The following APTX variants were observed in gnomAD, a reference collection of about 807,000 sequenced individuals.
The protein encoded by APTX is aprataxin, also known as forkhead-associated domain histidine triad-like protein.
Under a neutral mutation model 42.3 loss-of-function variants are expected in APTX, and 33 were observed. The ratio of observed to expected loss-of-function variants is 0.78; its 90% CI spans 0.59 to 1.04. The LOEUF (loss-of-function observed/expected upper bound fraction) is 1.04, where lower values mean the gene tolerates loss of function less well. Ranked by LOEUF, APTX falls within the 50% of genes least tolerant of loss-of-function variation. APTX has a pLI of 0.00. For missense variants in APTX, 421 were observed against 415.1 expected (o/e 1.01, Z -0.12); for synonymous variants, 130 against 146.7 (o/e 0.89, Z 0.82).
chr9:32,973,813 G>A (rs1199332227), intron 7 of APTX, 161 bp from the exon 8 acceptor site: 1 of 889,892 alleles, frequency 1.1e-6, no homozygotes, highest in East Asian at 2.5e-5. Flanking sequence ...CAGGCAAAAT[G>A]AGCTTAATCA....
intron 6 of APTX, among the ~76,000 whole-genome samples, chr9:32,983,366 T>TTAAC (rs111227653): frequency 0.014 from 2,085 of 152,156 alleles, 44 homozygotes; most frequent in African/African-American, 0.045. Flanking sequence ...TGAGGGAGGA[T>TTAAC]TAACTGGAAA....
At chr9:32,990,619 G>A (rs1260299767) in intron 1 of APTX, among the ~76,000 whole-genome samples, 2 of 152,150 alleles carry the variant, frequency 1.3e-5, no homozygotes, top group Non-Finnish European at 2.9e-5. Flanking sequence ...ACAATATAAT[G>A]TGATAAACAC....
chr9:33,015,345 T>C (rs1446543723), intron 1 of APTX, among the ~76,000 whole-genome samples: 4 of 152,248 alleles, frequency 2.6e-5, no homozygotes, highest in Middle Eastern at 3.4e-3. Context: ...ATAAGGGTCA[T>C]TGCCTGAGTT....
intron 1 of APTX, chr9:33,024,772 G>A (rs1360429598): frequency 6.6e-6 from 1 of 150,674 alleles, no homozygotes; most frequent in Non-Finnish European, 1.5e-5. Context: ...AAGACCCAAG[G>A]CCTATGCTAT....
chr9:32,973,206 A>AAC lies in APTX; in HGVS notation c.*290_*291dup, dbSNP rs1828458482. 1 of 532,988 alleles carries AAC rather than the reference A, an allele frequency of 1.9e-6. No individual in the cohort carries two copies. The highest frequency in any genetic ancestry group is 1.9e-5 in the African/African-American group (1 of 53,152). 33.0% of individuals were successfully genotyped at this position (532,988 alleles called of 1,614,324 possible). A position where few individuals can be genotyped will look rare whatever the true frequency, so the allele number is the denominator to read the frequency against. ...CCATACTCTGCATTAGGTCAGTGTG[A>AAC]ACATGGCTTTGCTCCCAATGGTCAG... On this transcript the variant is annotated 3_prime_UTR_variant, in exon 8 of 8. Coordinates refer to ENST00000379817, the MANE Select transcript of APTX (RefSeq NM_001195248.2).
chr9:32,975,062 A>G (rs1381675045), intron 6 of APTX, among the ~76,000 whole-genome samples: 1 of 152,154 alleles, frequency 6.6e-6, no homozygotes, highest in East Asian at 1.9e-4. Context: ...CTGTGGGAAG[A>G]GTGTCTCAGA....
At chr9:32,999,357 G>A (rs1209889280) in intron 1 of APTX, among the ~76,000 whole-genome samples, 1 of 152,228 alleles carries the variant, frequency 6.6e-6, no homozygotes. Context: ...TAAAGAGAAA[G>A]AAAGTTATTG....
chr9:33,001,285 C>T (rs1037161745), intron 1 of APTX: 1 of 1,471,636 alleles, frequency 6.8e-7, no homozygotes, highest in South Asian at 1.2e-5. Context: ...TTGGACAGGG[C>T]CCATTCTCTA....
chr9:32,986,070 A>G, intron 4 of APTX, 40 bp from the exon 5 acceptor site: 5 of 1,438,952 alleles, frequency 3.5e-6, no homozygotes, highest in Non-Finnish European at 4.8e-6. Flanking sequence ...AAAAAAAAAA[A>G]CAAGCAATGT....
intron 6 of APTX, among the ~76,000 whole-genome samples, chr9:32,982,428 C>A (rs1830887332): frequency 6.6e-6 from 1 of 152,066 alleles, no homozygotes; most frequent in South Asian, 2.1e-4. Flanking sequence ...AAAATAAGGT[C>A]TATAGTTTAG....
At chr9:33,022,737 C>T (rs1466239530) in intron 1 of APTX, among the ~76,000 whole-genome samples, 6 of 152,228 alleles carry the variant, frequency 3.9e-5, no homozygotes, top group Admixed American at 3.9e-4. Flanking sequence ...CTGTAAACAG[C>T]TTGTATAATG....
chr9:33,022,317 A>T (rs1352677119), intron 1 of APTX, among the ~76,000 whole-genome samples: 2 of 152,236 alleles, frequency 1.3e-5, no homozygotes, highest in Non-Finnish European at 2.9e-5. Context: ...CATTTAAAAC[A>T]TGGTTAAACT....
intron 1 of APTX, among the ~76,000 whole-genome samples, chr9:33,010,309 C>T (rs1240926600): frequency 6.6e-6 from 1 of 152,174 alleles, no homozygotes; most frequent in Non-Finnish European, 1.5e-5. Flanking sequence ...TCAGATGAAA[C>T]CAAAGCAACT....
chr9:33,010,210 G>C (rs974765249), intron 1 of APTX, among the ~76,000 whole-genome samples: 1 of 152,186 alleles, frequency 6.6e-6, no homozygotes, highest in Non-Finnish European at 1.5e-5. Flanking sequence ...CGTCAGACCA[G>C]CTCCTCTTAC....
At chr9:32,998,721 G>T (rs993181314) in intron 1 of APTX, among the ~76,000 whole-genome samples, 1 of 152,074 alleles carries the variant, frequency 6.6e-6, no homozygotes, top group African/African-American at 2.4e-5. Flanking sequence ...GGCGTGTCAG[G>T]GGGTGAGGGG....
intron 6 of APTX, chr9:32,980,393 C>T (rs564650470): frequency 6.4e-4 from 113 of 176,126 alleles, no homozygotes; most frequent in Non-Finnish European, 8.2e-4. Context: ...ATGGGAACCA[C>T]CTTGTCCAAT....
At chr9:33,021,924 G>C (rs186655275) in intron 1 of APTX, among the ~76,000 whole-genome samples, 1 of 146,010 alleles carries the variant, frequency 6.8e-6, no homozygotes, top group Non-Finnish European at 1.5e-5. Context: ...CTAGGAGTTC[G>C]AGGCCAGCCT....
At chr9:32,980,591 G>A (rs1016289034) in intron 6 of APTX, among the ~76,000 whole-genome samples, 1 of 152,232 alleles carries the variant, frequency 6.6e-6, no homozygotes, top group Non-Finnish European at 1.5e-5. Flanking sequence ...ACTGTTGTGT[G>A]AAGAAAGGAC....
At chr9:33,012,772 T>C (rs1341405724) in intron 1 of APTX, among the ~76,000 whole-genome samples, 2 of 152,182 alleles carry the variant, frequency 1.3e-5, no homozygotes, top group Admixed American at 6.5e-5. Flanking sequence ...ATTGCTACCT[T>C]AAGTCACCAA....
Sources: gnomAD v4.1 joint callset for allele counts (sites outside exome capture counted in the v4.1 genomes callset) on GRCh38, gnomAD v4.1.1 for gene constraint, MANE v1.5 for transcripts, NCBI Gene and HGNC (gene_info 2026-07-23, HGNC 2026-07-21) for gene names.